The following LPIN1 variants were observed in gnomAD, a reference collection of about 807,000 sequenced individuals.
LPIN1 encodes the protein lipin 1.
Under a neutral mutation model 107.5 loss-of-function variants are expected in LPIN1, and 71 were observed. The observed-to-expected ratio is 0.66, with a 90% confidence interval of 0.55 to 0.80. The LOEUF is 0.80. Ranked by LOEUF, LPIN1 falls within the 30% of genes least tolerant of loss-of-function variation. The pLI is 0.00. For synonymous variants in LPIN1, 445 were observed against 452.6 expected, an observed-to-expected ratio of 0.98 and a Z score of 0.21; for missense variants, 1,043 against 1,160.6, an observed-to-expected ratio of 0.90 and a Z score of 1.47.
chr2:11,805,935 C>T (rs1471333672), intron 17 of LPIN1, among the ~76,000 whole-genome samples: 1 of 152,192 alleles, frequency 6.6e-6, no homozygotes, highest in Non-Finnish European at 1.5e-5. Context: ...GCCCAAGCCT[C>T]TCTCCCGCTC....
At chr2:11,735,703 A>C (rs1665729502) in intron 1 of LPIN1, among the ~76,000 whole-genome samples, 1 of 152,258 alleles carries the variant, frequency 6.6e-6, no homozygotes. Flanking sequence ...GGGTTGTGTT[A>C]GGCTCTAGGC....
intron 1 of LPIN1, among the ~76,000 whole-genome samples, chr2:11,705,907 GT>G (rs1400921014): frequency 6.6e-6 from 1 of 152,198 alleles, no homozygotes; most frequent in African/African-American, 2.4e-5. Flanking sequence ...CAATTCCCAT[GT>G]GTTGTGGGAG....
At chr2:11,708,196 C>T (rs113721632) in intron 1 of LPIN1, among the ~76,000 whole-genome samples, 7 of 152,310 alleles carry the variant, frequency 4.6e-5, no homozygotes, top group African/African-American at 1.7e-4. Flanking sequence ...CTGTTGGCCC[C>T]CCGACAGCTG....
chr2:11,816,453 C>G (rs1680589301), intron 18 of LPIN1: 1 of 152,266 alleles, frequency 6.6e-6, no homozygotes, highest in Non-Finnish European at 1.5e-5. Flanking sequence ...CACATCGTTA[C>G]TCCGACATCC....
intron 1 of LPIN1, among the ~76,000 whole-genome samples, chr2:11,758,870 T>A (rs189607884): frequency 1.3e-5 from 2 of 152,364 alleles, no homozygotes; most frequent in Admixed American, 6.5e-5. Context: ...TTTCTGGGCT[T>A]ACTTTTAAAA....
At chr2:11,740,650 C>A (rs1370338092) in intron 1 of LPIN1, among the ~76,000 whole-genome samples, 15 of 136,024 alleles carry the variant, frequency 1.1e-4, no homozygotes, top group Non-Finnish European at 1.5e-4. Flanking sequence ...CCCCACTGCA[C>A]TCCAGCCTGG....
In LPIN1 at chr2:11,826,278, G is replaced by A. The variant is rs764806697; in HGVS notation, c.*1487G>A. On this transcript the variant is annotated 3_prime_UTR_variant, in exon 21 of 21. Transcript: ENST00000674199. ...GAAAATCCACAGAGTTGTTGCCTCC[G>A]TTGTAGTTGGTGGGCCCCGTTAGCA... 14 of 152,522 alleles carry A rather than the reference G, an allele frequency of 9.2e-5. No individual in the cohort carries two copies. The highest frequency in any genetic ancestry group is 1.9e-4 in the East Asian group (1 of 5,198). The allele number at this position is 152,522 out of a possible 1,614,324, so 9.4% of individuals were successfully genotyped here.
At chr2:11,802,711 TG>T (rs1386905630) in intron 14 of LPIN1, among the ~76,000 whole-genome samples, 195 bp from the exon 15 acceptor site, 3 of 152,084 alleles carry the variant, frequency 2.0e-5, no homozygotes, top group Non-Finnish European at 4.4e-5. Context: ...CCCCCACACG[TG>T]TAATGCAAGA....
At chr2:11,805,519 C>T (rs1678525570) in intron 17 of LPIN1, 15 of 351,286 alleles carry the variant, frequency 4.3e-5, no homozygotes, top group South Asian at 4.0e-4. Flanking sequence ...AAGTGATTTT[C>T]TGTAGACTAA....
chr2:11,752,328 A>G (rs1422638415), intron 1 of LPIN1, among the ~76,000 whole-genome samples: 1 of 151,402 alleles, frequency 6.6e-6, no homozygotes, highest in Non-Finnish European at 1.5e-5. Flanking sequence ...CGATTCCTGT[A>G]TCTTTAATTA....
At chr2:11,679,548 G>A (rs535351939) in intron 1 of LPIN1, among the ~76,000 whole-genome samples, 2 of 152,332 alleles carry the variant, frequency 1.3e-5, no homozygotes, top group Non-Finnish European at 2.9e-5. Flanking sequence ...AAGCTGCAGA[G>A]AGGATGTCAA....
At position 11,788,430 on chromosome 2, in the gene LPIN1, C is replaced by T. The variant is rs1162487610; in HGVS notation, c.1687C>T (p.Gln563Ter). The change falls in exon 12 of 21, where the codon CAG becomes TAG. Residue 563 changes from glutamine (Q) to a stop codon, truncating the protein, a stop_gained. Coordinates refer to ENST00000674199, the MANE Select transcript of LPIN1 (RefSeq NM_001349206.2). LOFTEE classifies it high-confidence loss of function. ...TTAAPLLLAM[Q>*]AFQKPLPKAT... is the part of the protein sequence containing the mutation. ...AGCAGCACCCCTCCTCCTGGCAATG[C>T]AGGCCTTCCAGAAACCTTTGCCAAA... 1 of 1,613,814 alleles carries T rather than the reference C, an allele frequency of 6.2e-7. No individual in the cohort carries two copies. Among genetic ancestry groups the T allele is most frequent in the Non-Finnish European group, 8.5e-7 (1 of 1,179,812 alleles).
At position 11,824,701 on chromosome 2, in the gene LPIN1, T is replaced by C. The variant is rs992854064; in HGVS notation, c.2691T>C (p.Phe897=). The change falls in exon 21 of 21, where the codon TTT becomes TTC. Residue 897 remains phenylalanine, a synonymous_variant. Coordinates refer to ENST00000674199, the MANE Select transcript of LPIN1 (RefSeq NM_001349206.2). Reference sequence around the variant, plus strand: ...TGAAAAGAAGCCATTCTTCAGACTTTCCCTGTTCGGATACCTTCAGTAACT... The same window carrying C: ...TGAAAAGAAGCCATTCTTCAGACTTCCCCTGTTCGGATACCTTCAGTAACT... ...PLLKRSHSSD[F]PCSDTFSNFT... 2.0e-5 allele frequency: 32 copies of C among 1,614,042 alleles called. No individual in the cohort carries two copies. Among genetic ancestry groups the C allele is most frequent in the Non-Finnish European group, 2.7e-5 (32 of 1,180,040 alleles).
At chr2:11,690,951 A>G (rs1662238621) in intron 1 of LPIN1, among the ~76,000 whole-genome samples, 1 of 152,168 alleles carries the variant, frequency 6.6e-6, no homozygotes, top group Non-Finnish European at 1.5e-5. Context: ...ATAACCTGAT[A>G]ATGACTGTTA....
chr2:11,723,218 G>A (rs1273273325), upstream of LPIN1, among the ~76,000 whole-genome samples: 1 of 152,216 alleles, frequency 6.6e-6, no homozygotes, highest in Non-Finnish European at 1.5e-5. Context: ...TTCCCAAAGA[G>A]TGAGATGACC....
At chr2:11,745,995 C>T (rs2148564537), upstream of LPIN1, 1 of 152,420 alleles carries the variant, frequency 6.6e-6, no homozygotes, top group African/African-American at 2.4e-5. Context: ...CGCTGCCTGC[C>T]TCCCGGCTGG....
intron 1 of LPIN1, among the ~76,000 whole-genome samples, chr2:11,736,528 C>T (rs73183104): frequency 0.036 from 5,465 of 152,302 alleles, 323 homozygotes; most frequent in African/African-American, 0.12. Context: ...CTCATCATAC[C>T]AGCACAGTGG....
chr2:11,731,155 T>A (rs1665154983), intron 1 of LPIN1, among the ~76,000 whole-genome samples: 1 of 152,202 alleles, frequency 6.6e-6, no homozygotes, highest in African/African-American at 2.4e-5. Flanking sequence ...TGGTTTGCTG[T>A]ACCTATCAAC....
intron 1 of LPIN1, among the ~76,000 whole-genome samples, chr2:11,693,815 T>TC (rs1662421784): frequency 2.8e-5 from 1 of 36,044 alleles, no homozygotes; most frequent in Non-Finnish European, 6.0e-5. Flanking sequence ...TATATATATA[T>TC]ATATATATTT....
Sources: gnomAD v4.1 joint callset for allele counts (sites outside exome capture counted in the v4.1 genomes callset) on GRCh38, gnomAD v4.1.1 for gene constraint, MANE v1.5 for transcripts, NCBI Gene and HGNC (gene_info 2026-07-23, HGNC 2026-07-21) for gene names.